The following TSPEAR variants were observed in gnomAD, a reference collection of about 807,000 sequenced individuals.
The protein encoded by TSPEAR is thrombospondin type laminin G domain and EAR repeats.
A neutral mutation model predicts 71.6 loss-of-function variants in TSPEAR; 69 were observed. That is an observed-to-expected ratio of 0.96 (90% confidence interval 0.79 to 1.18). TSPEAR has a LOEUF of 1.18. TSPEAR is among the 50% of genes most tolerant of loss of function. TSPEAR has a pLI of 0.00. For missense variants in TSPEAR, 971 were observed against 894.9 expected (o/e 1.09, Z -1.09); for synonymous variants, 402 against 387.2 (o/e 1.04, Z -0.45).
chr21:44,527,678 C>T (rs1448664468), intron 6 of TSPEAR, among the ~76,000 whole-genome samples, 160 bp from the exon 7 acceptor site: 1 of 152,244 alleles, frequency 6.6e-6, no homozygotes, highest in Non-Finnish European at 1.5e-5. Flanking sequence ...CAGGAAAGGC[C>T]TGTCAAAGGG....
intron 1 of TSPEAR, chr21:44,654,193 G>T: frequency 9.0e-7 from 1 of 1,116,154 alleles, no homozygotes; most frequent in Non-Finnish European, 1.3e-6. Context: ...GCTGTGGGAG[G>T]ATGTGGGGAC....
chr21:44,563,786 G>T (rs919574940), intron 2 of TSPEAR, among the ~76,000 whole-genome samples: 1 of 152,156 alleles, frequency 6.6e-6, no homozygotes, highest in Non-Finnish European at 1.5e-5. Flanking sequence ...TCCTCTGGTC[G>T]CAGTTTCAAC....
At chr21:44,622,363 A>G (rs1166944916) in intron 1 of TSPEAR, among the ~76,000 whole-genome samples, 1 of 152,016 alleles carries the variant, frequency 6.6e-6, no homozygotes, top group Non-Finnish European at 1.5e-5. Flanking sequence ...GAGATTTTTT[A>G]TGCCCCCATC....
intron 2 of TSPEAR, among the ~76,000 whole-genome samples, chr21:44,536,865 G>A (rs2053098674): frequency 6.6e-6 from 1 of 152,180 alleles, no homozygotes; most frequent in Non-Finnish European, 1.5e-5. Context: ...GGTTTGATAT[G>A]AAGACAATAT....
At chr21:44,590,199 G>C (rs1214102567) in intron 1 of TSPEAR, among the ~76,000 whole-genome samples, 2 of 152,258 alleles carry the variant, frequency 1.3e-5, no homozygotes, top group Non-Finnish European at 2.9e-5. Context: ...TGCTGGGGCA[G>C]GAGGCAGACC....
intron 1 of TSPEAR, among the ~76,000 whole-genome samples, chr21:44,637,008 G>C (rs587611196): frequency 6.6e-6 from 1 of 152,170 alleles, no homozygotes; most frequent in African/African-American, 2.4e-5. Flanking sequence ...AGCCCACCCC[G>C]TGAGGTCCCT....
Position 44,503,418 on chromosome 21 carries a change from T to C in TSPEAR, c.1856+1362A>G, listed in dbSNP as rs1378434170. 2.3e-4 allele frequency among the ~76,000 whole-genome samples: 21 copies of C among 89,826 alleles called. No individual in the cohort carries two copies. The South Asian group carries it at 3.5e-3, about 15-fold the overall frequency. The allele number at this position is 89,826 out of a possible 152,430, so 58.9% of individuals were successfully genotyped here. On this transcript the variant is annotated intron_variant, in intron 11 of 11. Coordinates refer to ENST00000323084, the MANE Select transcript of TSPEAR (RefSeq NM_144991.3). ...CAAGGCTCTGGGAGGAGGCCGGAGT[T>C]GGTGAGCCCTCGGGGGGAAGCAAGG...
chr21:44,566,371 G>C (rs782648554), intron 2 of TSPEAR, among the ~76,000 whole-genome samples: 2 of 152,010 alleles, frequency 1.3e-5, no homozygotes, highest in African/African-American at 2.4e-5. Context: ...CAATGGAAAA[G>C]CATCATACGT....
At chr21:44,521,140 C>A (rs1165872995) in intron 9 of TSPEAR, among the ~76,000 whole-genome samples, 3 of 152,218 alleles carry the variant, frequency 2.0e-5, no homozygotes, top group Non-Finnish European at 4.4e-5. Flanking sequence ...GGCACGCTTC[C>A]AGCAAACAGT....
At chr21:44,628,044 C>T in intron 1 of TSPEAR, 2 of 1,611,444 alleles carry the variant, frequency 1.2e-6, no homozygotes, top group Non-Finnish European at 1.7e-6. Context: ...AGAAGTCCAG[C>T]TGCTGACGGT....
chr21:44,508,718 T>C (rs1418298454), intron 10 of TSPEAR: 3 of 1,235,166 alleles, frequency 2.4e-6, no homozygotes, highest in Non-Finnish European at 3.1e-6. Flanking sequence ...CTCACATCTG[T>C]CTCAACAGGC....
chr21:44,539,669 G>A, intron 2 of TSPEAR: 1 of 1,595,768 alleles, frequency 6.3e-7, no homozygotes, highest in Non-Finnish European at 8.5e-7. Context: ...GCAGCATGAA[G>A]AGGAATCCTC....
intron 1 of TSPEAR, among the ~76,000 whole-genome samples, chr21:44,698,998 C>A (rs192861104): frequency 6.6e-6 from 1 of 152,212 alleles, no homozygotes; most frequent in East Asian, 1.9e-4. Flanking sequence ...CCCAGGAATT[C>A]GAGACCAGCC....
chr21:44,604,934 C>G (rs1406441526), intron 1 of TSPEAR, among the ~76,000 whole-genome samples: 4 of 152,096 alleles, frequency 2.6e-5, no homozygotes, highest in Non-Finnish European at 5.9e-5. Flanking sequence ...GGGATAAATC[C>G]CACTGGATCA....
chr21:44,709,623 C>T (rs1419554590), intron 1 of TSPEAR, among the ~76,000 whole-genome samples: 1 of 152,250 alleles, frequency 6.6e-6, no homozygotes, highest in Non-Finnish European at 1.5e-5. Flanking sequence ...CGCCGCGGCT[C>T]CACGCCGTGG....
intron 10 of TSPEAR, among the ~76,000 whole-genome samples, chr21:44,505,562 CCCCCT>C (rs1555911799): frequency 1.3e-4 from 4 of 30,990 alleles, no homozygotes; most frequent in Non-Finnish European, 1.3e-4. Context: ...TCACCCCCTC[CCCCCT>C]CCCCCCCCCC....
chr21:44,577,639 G>T (rs1555924136), intron 1 of TSPEAR, among the ~76,000 whole-genome samples: 1 of 152,206 alleles, frequency 6.6e-6, no homozygotes, highest in Non-Finnish European at 1.5e-5. Flanking sequence ...CTCCCACCAG[G>T]CCCTGCCTCC....
chr21:44,549,558 C>T (rs1264141605), intron 2 of TSPEAR, among the ~76,000 whole-genome samples: 2 of 152,214 alleles, frequency 1.3e-5, no homozygotes, highest in African/African-American at 4.8e-5. Flanking sequence ...GATTGTATAG[C>T]TGTGGAGAAG....
intron 1 of TSPEAR, among the ~76,000 whole-genome samples, chr21:44,662,481 A>G (rs1423926285): frequency 6.6e-6 from 1 of 152,228 alleles, no homozygotes; most frequent in Non-Finnish European, 1.5e-5. Flanking sequence ...CTTTCCAAAC[A>G]CATGCAACAA....
Sources: gnomAD v4.1 joint callset for allele counts (sites outside exome capture counted in the v4.1 genomes callset) on GRCh38, gnomAD v4.1.1 for gene constraint, MANE v1.5 for transcripts, NCBI Gene and HGNC (gene_info 2026-07-23, HGNC 2026-07-21) for gene names.